Variants in AUTS2 observed in about 807,000 individuals in gnomAD.
AUTS2 encodes the protein activator of transcription and developmental regulator AUTS2, also known as autism susceptibility gene 2 protein.
In AUTS2, 17 loss-of-function variants were observed where a neutral mutation model predicts 112.4. The ratio of observed to expected loss-of-function variants is 0.15; its 90% CI spans 0.10 to 0.23. The LOEUF (loss-of-function observed/expected upper bound fraction) is 0.23, where lower values mean the gene tolerates loss of function less well. AUTS2 is among the 10% of genes least tolerant of loss of function. The pLI is 1.00. For synonymous variants in AUTS2, 751 were observed against 702.7 expected (o/e 1.07, Z -1.09); for missense variants, 1,510 against 1,701.6 (o/e 0.89, Z 1.98).
At chr7:69,967,383 T>G (rs1797674642) in intron 2 of AUTS2, among the ~76,000 whole-genome samples, 1 of 151,940 alleles carries the variant, frequency 6.6e-6, no homozygotes, top group Non-Finnish European at 1.5e-5. Flanking sequence ...GCAGTTGAAG[T>G]CCATTTGAGG....
At chr7:70,062,313 A>T (rs1240576591) in intron 2 of AUTS2, among the ~76,000 whole-genome samples, 1 of 151,806 alleles carries the variant, frequency 6.6e-6, no homozygotes, top group Admixed American at 6.6e-5. Context: ...GATCAAGAAC[A>T]TCCTGGCCAA....
rs369401097 is a variant in AUTS2 at position 69,761,299 on chromosome 7, A to G, written c.310-137987A>G. Among the ~76,000 whole-genome samples the G allele has an allele frequency of 3.3e-5, 5 of 152,314 alleles. No homozygotes were observed. The East Asian group carries it at 7.7e-4, about 24-fold the overall frequency. On this transcript the variant is annotated intron_variant, in intron 1 of 18. Coordinates refer to ENST00000342771, the MANE Select transcript of AUTS2 (RefSeq NM_015570.4). The stretch of plus-strand genomic sequence containing the variant: ...CATCACCTGTTAGTGTGTTTGCTGT[A>G]TAAATGTAACATCCACTAACTTTGT...
intron 1 of AUTS2, among the ~76,000 whole-genome samples, chr7:69,635,989 A>G (rs1406512622): frequency 1.3e-5 from 2 of 152,206 alleles, no homozygotes; most frequent in Non-Finnish European, 2.9e-5. Context: ...TTTTGACGCT[A>G]ATTGAACTGG....
chr7:70,025,736 G>A (rs1015155158), intron 2 of AUTS2, among the ~76,000 whole-genome samples: 4 of 149,356 alleles, frequency 2.7e-5, no homozygotes, highest in South Asian at 4.3e-4. Context: ...GATTACAGGC[G>A]TGAGCTGCCA....
At chr7:70,581,720 T>C (rs111794510) in intron 5 of AUTS2, among the ~76,000 whole-genome samples, 48 of 152,348 alleles carry the variant, frequency 3.2e-4, no homozygotes, top group African/African-American at 9.9e-4. Context: ...GTAAGCCATG[T>C]TTCCATTCAC....
intron 5 of AUTS2, chr7:70,436,038 T>A (rs1480586306): frequency 7.7e-6 from 3 of 389,356 alleles, no homozygotes; most frequent in Non-Finnish European, 1.4e-5. Flanking sequence ...TTATGGAAGA[T>A]GACTCATAGA....
intron 1 of AUTS2, among the ~76,000 whole-genome samples, chr7:69,876,502 A>G (rs1180803433): frequency 0.24 from 2,611 of 10,726 alleles, 305 homozygotes; most frequent in African/African-American, 0.36. Flanking sequence ...ATATATATAT[A>G]TATATATATA....
chr7:70,626,839 G>A (rs571083754), intron 5 of AUTS2, among the ~76,000 whole-genome samples: 9 of 152,268 alleles, frequency 5.9e-5, no homozygotes, highest in South Asian at 4.1e-4. Context: ...TGCAAAGGAC[G>A]TGATTTTGTT....
intron 5 of AUTS2, among the ~76,000 whole-genome samples, chr7:70,691,598 A>G (rs1165008059): frequency 6.6e-6 from 1 of 152,118 alleles, no homozygotes; most frequent in East Asian, 1.9e-4. Flanking sequence ...CAGAAAGCAT[A>G]GGGAATAGAG....
intron 4 of AUTS2, among the ~76,000 whole-genome samples, chr7:70,371,100 C>T (rs1216125612): frequency 3.3e-5 from 5 of 152,160 alleles, no homozygotes; most frequent in African/African-American, 1.2e-4. Context: ...TGCCATGTTC[C>T]ATGGAAATGA....
At position 69,617,434 on chromosome 7, in the gene AUTS2, G is replaced by T. The variant is rs892312112; in HGVS notation, c.309+17472G>T. On this transcript the variant is annotated intron_variant, in intron 1 of 18. Coordinates refer to ENST00000342771, the MANE Select transcript of AUTS2 (RefSeq NM_015570.4). ...GATAACCCGGAGGAGAGCTTTCAAG[G>T]AAAGGGGAGAACAAGTGTAAAGGCT... is the stretch of plus-strand genomic sequence containing the variant. 2.6e-5 allele frequency among the ~76,000 whole-genome samples: 4 copies of T among 152,292 alleles called. No homozygotes were observed. The South Asian group carries it at 6.2e-4, about 24-fold the overall frequency.
At chr7:69,875,640 A>G (rs1393392749) in intron 1 of AUTS2, among the ~76,000 whole-genome samples, 2 of 152,156 alleles carry the variant, frequency 1.3e-5, no homozygotes, top group African/African-American at 2.4e-5. Flanking sequence ...ATGTGTAGAA[A>G]ATGTTGGCGA....
intron 2 of AUTS2, among the ~76,000 whole-genome samples, chr7:70,000,567 G>C (rs978132926): frequency 4.6e-5 from 7 of 152,102 alleles, no homozygotes; most frequent in African/African-American, 1.7e-4. Context: ...TTAGAAGACT[G>C]GTATGGGGAT....
chr7:70,701,322 G>C (rs1358853859), intron 6 of AUTS2, among the ~76,000 whole-genome samples: 1 of 152,228 alleles, frequency 6.6e-6, no homozygotes, highest in Non-Finnish European at 1.5e-5. Flanking sequence ...AGCAGGGGCC[G>C]TGGCTCGAGG....
intron 4 of AUTS2, among the ~76,000 whole-genome samples, chr7:70,241,419 G>A (rs1174656944): frequency 6.6e-6 from 1 of 152,104 alleles, no homozygotes; most frequent in Non-Finnish European, 1.5e-5. Flanking sequence ...CCCATATGCT[G>A]TAGCTATATA....
At chr7:70,700,122 G>A (rs76365516) in intron 6 of AUTS2, among the ~76,000 whole-genome samples, 1,947 of 152,224 alleles carry the variant, frequency 0.013, 35 homozygotes, top group African/African-American at 0.044. Context: ...TGAACAGCTC[G>A]CCTCTGCCTC....
At chr7:69,815,853 C>T (rs563409611) in intron 1 of AUTS2, among the ~76,000 whole-genome samples, 6 of 152,242 alleles carry the variant, frequency 3.9e-5, no homozygotes, top group Middle Eastern at 3.4e-3. Context: ...ATTTCAGCTG[C>T]GCATATGTTC....
intron 1 of AUTS2, among the ~76,000 whole-genome samples, chr7:69,638,808 T>G (rs1042628429): frequency 3.3e-5 from 5 of 152,172 alleles, no homozygotes; most frequent in Non-Finnish European, 7.3e-5. Context: ...AGTCAGGAAT[T>G]GAGGAGGAGC....
chr7:70,671,779 T>C (rs17141991), intron 5 of AUTS2, among the ~76,000 whole-genome samples: 19,686 of 152,192 alleles, frequency 0.13, 1,712 homozygotes, highest in East Asian at 0.36. Flanking sequence ...CCTGTCTCTT[T>C]GCGTTGTCAA....
Sources: gnomAD v4.1 joint callset for allele counts (sites outside exome capture counted in the v4.1 genomes callset) on GRCh38, gnomAD v4.1.1 for gene constraint, MANE v1.5 for transcripts, NCBI Gene and HGNC (gene_info 2026-07-23, HGNC 2026-07-21) for gene names.